Variants in NABP2 observed in about 807,000 individuals in gnomAD.
The protein encoded by NABP2 is SOSS complex subunit B1.
In NABP2, 7 loss-of-function variants were observed where a neutral mutation model predicts 22.7. The observed-to-expected ratio is 0.31, with a 90% CI of 0.18 to 0.58. The LOEUF is 0.58. Ranked by LOEUF, NABP2 falls within the 20% of genes least tolerant of loss-of-function variation. The probability of loss-of-function intolerance (pLI) is 0.89; values close to 1 mark genes in which losing one functional copy is unlikely to be tolerated. For missense variants in NABP2, 188 were observed against 265.9 expected (o/e 0.71, Z 2.04); for synonymous variants, 107 against 99.2 (o/e 1.08, Z -0.47).
At chr12:56,222,796 A>G (rs1869557872), upstream of NABP2, among the ~76,000 whole-genome samples, 1 of 152,260 alleles carries the variant, frequency 6.6e-6, no homozygotes, top group Non-Finnish European at 1.5e-5. Flanking sequence ...TAATACACAC[A>G]TACACACATA....
Position 56,224,497 on chromosome 12 carries a change from A to C in NABP2, c.-24+56A>C, listed in dbSNP as rs954316188. 5.6e-6 allele frequency: 6 copies of C among 1,069,858 alleles called. No individual in the cohort carries two copies. In the African/African-American group the frequency reaches 8.1e-5, roughly 15 times the overall value. 66.3% of individuals were successfully genotyped at this position (1,069,858 alleles called of 1,614,324 possible). A position where few individuals can be genotyped will look rare whatever the true frequency, so the allele number is the denominator to read the frequency against. On this transcript the variant is annotated intron_variant, in intron 1 of 6. Transcript: ENST00000267023. ...ATGGACCGAGTCCCGGCTTGTCGGG[A>C]TGAGGGTTCCGGAAGATCTGGCCAG...
At chr12:56,226,780 A>G (rs1423951164) in intron 6 of NABP2, among the ~76,000 whole-genome samples, 1 of 133,134 alleles carries the variant, frequency 7.5e-6, no homozygotes, top group African/African-American at 2.7e-5. Context: ...CTGGAGTGCA[A>G]TGGTGTGACC....
intron 6 of NABP2, 136 bp from the exon 7 acceptor site, chr12:56,228,878 T>G (rs1047700307): frequency 1.3e-6 from 1 of 771,296 alleles, no homozygotes; most frequent in Non-Finnish European, 2.2e-6. Context: ...GTCTTTTGCA[T>G]TTGGTCCAGT....
intron 4 of NABP2, 76 bp downstream of exon 4, chr12:56,225,771 C>A: frequency 7.3e-7 from 1 of 1,366,304 alleles, no homozygotes; most frequent in Non-Finnish European, 1.0e-6. Context: ...ATAGGGTGTG[C>A]AGTCCAAGCC....
chr12:56,224,686 C>T (rs1869676371), intron 1 of NABP2, 148 bp from the exon 2 acceptor site: 1 of 894,012 alleles, frequency 1.1e-6, no homozygotes, highest in Admixed American at 2.7e-5. Flanking sequence ...TTGGAGGCCT[C>T]CGGGGATGTT....
At position 56,226,114 on chromosome 12, in the gene NABP2, T is replaced by C. The variant is rs1869748175; in HGVS notation, c.291-65T>C. ...ACCACACCGAACCTATCTGGACTTT[T>C]CTGAGGCCTCCAGCAGTGGCCCAGA... On this transcript the variant is annotated intron_variant, in intron 4 of 6. Coordinates refer to ENST00000267023, the MANE Select transcript of NABP2 (RefSeq NM_024068.4). 3 of 1,494,192 alleles carry C rather than the reference T, an allele frequency of 2.0e-6. No homozygotes were observed. In the Admixed American group the frequency reaches 5.1e-5, roughly 25 times the overall value. The allele number at this position is 1,494,192 out of a possible 1,614,324, so 92.6% of individuals were successfully genotyped here.
intron 4 of NABP2, 70 bp downstream of exon 4, chr12:56,225,765 G>A: frequency 6.8e-7 from 1 of 1,465,176 alleles, no homozygotes; most frequent in Non-Finnish European, 9.6e-7. Flanking sequence ...GGCAGCATAG[G>A]GTGTGCAGTC....
chr12:56,229,087 T>TGGCCCACCCCC lies in NABP2; in HGVS notation c.510_511insGGCCCACCCCC (p.Pro171GlyfsTer66). ...GTGGTGGCCCACATCCCCCTCATAC[T>TGGCCCACCCCC]CCCTCCCACCCACCCAGCACCCGAA... On this transcript the variant is annotated frameshift_variant, in exon 7 of 7. Coordinates refer to ENST00000267023, the MANE Select transcript of NABP2 (RefSeq NM_024068.4). LOFTEE classifies it high-confidence loss of function. 6.6e-7 allele frequency: 1 copy of TGGCCCACCCCC among 1,512,342 alleles called. No homozygotes were observed. The highest frequency in any genetic ancestry group is 9.1e-7 in the Non-Finnish European group (1 of 1,102,014). The allele number at this position is 1,512,342 out of a possible 1,614,324, so 93.7% of individuals were successfully genotyped here.
chr12:56,224,369 C>A lies in NABP2; in HGVS notation c.-96C>A. On this transcript the variant is annotated 5_prime_UTR_variant, in exon 1 of 7. Transcript: ENST00000267023. ...ACTCCCGCGTTCCACGGGGCAGCAT[C>A]CGGCGGCAGCGGAGCCTGTGGCTCC... 2 of 990,414 alleles carry A rather than the reference C, an allele frequency of 2.0e-6. No homozygotes were observed. The highest frequency in any genetic ancestry group is 9.2e-5 in the South Asian group (2 of 21,810). The allele number at this position is 990,414 out of a possible 1,614,324, so 61.4% of individuals were successfully genotyped here.
intron 3 of NABP2, 23 bp downstream of exon 3, chr12:56,225,534 G>T: frequency 6.2e-7 from 1 of 1,614,174 alleles, no homozygotes; most frequent in South Asian, 1.1e-5. Flanking sequence ...GTGACTTCTG[G>T]CCTTCCAAAG....
At chr12:56,224,622 G>T (rs1003140091) in intron 1 of NABP2, 181 bp downstream of exon 1, 1 of 1,158,578 alleles carries the variant, frequency 8.6e-7, no homozygotes, top group Non-Finnish European at 1.1e-6. Context: ...CCGGCAGGGG[G>T]CCTTCCAGCC....
upstream of NABP2, among the ~76,000 whole-genome samples, chr12:56,223,392 T>A (rs1175140075): frequency 2.0e-5 from 3 of 151,862 alleles, no homozygotes; most frequent in Non-Finnish European, 4.4e-5. Flanking sequence ...CGAAACTGTC[T>A]CTACAAAAAA....
In NABP2 at chr12:56,229,825, C is replaced by T. The variant is rs1870040763; in HGVS notation, c.*612C>T. 6.5e-6 allele frequency: 1 copy of T among 154,448 alleles called. No individual in the cohort carries two copies. Among genetic ancestry groups the T allele is most frequent in the Non-Finnish European group, 1.4e-5 (1 of 69,466 alleles). The allele number at this position is 154,448 out of a possible 1,614,324, so 9.6% of individuals were successfully genotyped here. A position where few individuals can be genotyped will look rare whatever the true frequency, so the allele number is the denominator to read the frequency against. On this transcript the variant is annotated 3_prime_UTR_variant, in exon 7 of 7. Coordinates refer to ENST00000267023, the MANE Select transcript of NABP2 (RefSeq NM_024068.4). ...TGAGACATGGGAGTCTAACTGAAGT[C>T]TCTCCTTCCTAATAAATGTTACCAC...
Position 56,229,348 on chromosome 12 carries a change from A to T in NABP2, c.*135A>T. The T allele has an allele frequency of 2.4e-6, 2 of 849,598 alleles. No individual in the cohort carries two copies. The highest frequency in any genetic ancestry group is 3.7e-6 in the Non-Finnish European group (2 of 540,500). 52.6% of individuals were successfully genotyped at this position (849,598 alleles called of 1,614,324 possible). On this transcript the variant is annotated 3_prime_UTR_variant, in exon 7 of 7. Transcript: ENST00000267023. ...GTGGAGGGTGGTGAGCAGTGTCCTT[A>T]TCCACCCTAATCTCATACTCCCTCA...
rs1869690571 is a variant in NABP2 at position 56,224,917 on chromosome 12, T to C, written c.61T>C (p.Phe21Leu). The C allele has an allele frequency of 2.5e-6, 4 of 1,612,426 alleles. No individual in the cohort carries two copies. Among genetic ancestry groups the C allele is most frequent in the Non-Finnish European group, 3.4e-6 (4 of 1,179,066 alleles). ...KPGLKNLNLI[F>L]IVLETGRVTK... ...TGGGCTCAAGAATCTGAACCTTATCTTCATTGTGCTGGAGACAGGTGTCTA... is the reference window on the plus strand; with the variant it reads ...TGGGCTCAAGAATCTGAACCTTATCCTCATTGTGCTGGAGACAGGTGTCTA... The change falls in exon 2 of 7, where the codon TTC becomes CTC. Residue 21 changes from phenylalanine (F) to leucine (L), a missense_variant. Physicochemically the swap from Phe to Leu is conservative, Grantham distance 22 (BLOSUM62 0). Transcript: ENST00000267023.
intron 5 of NABP2, 29 bp from the exon 6 acceptor site, chr12:56,226,327 G>T: frequency 3.7e-6 from 6 of 1,614,058 alleles, no homozygotes; most frequent in Non-Finnish European, 5.1e-6. Flanking sequence ...GGAGGGAGCA[G>T]GATCTGAATA....
chr12:56,224,697 CT>C (rs1869677366), intron 1 of NABP2, 136 bp from the exon 2 acceptor site: 2 of 891,012 alleles, frequency 2.2e-6, no homozygotes, highest in Admixed American at 2.6e-5. Flanking sequence ...CGGGGATGTT[CT>C]TTTTTAATCT....
chr12:56,226,560 T>TC (rs1869776216), intron 6 of NABP2, 141 bp downstream of exon 6: 1 of 465,076 alleles, frequency 2.2e-6, no homozygotes, highest in African/African-American at 2.4e-5. Flanking sequence ...CAGACCCCTT[T>TC]TTTTTTTTTT....
In NABP2 at chr12:56,229,087, T is replaced by TGGGC; in HGVS notation, c.510_511insGGGC (p.Pro171GlyfsTer31). ...GTGGTGGCCCACATCCCCCTCATACTCCCTCCCACCCACCCAGCACCCGAA... is the reference window on the plus strand; with the variant it reads ...GTGGTGGCCCACATCCCCCTCATACTGGGCCCCTCCCACCCACCCAGCACCCGAA... On this transcript the variant is annotated frameshift_variant, in exon 7 of 7. Coordinates refer to ENST00000267023, the MANE Select transcript of NABP2 (RefSeq NM_024068.4). LOFTEE classifies it high-confidence loss of function. 1.3e-6 allele frequency: 2 copies of TGGGC among 1,512,342 alleles called. No individual in the cohort carries two copies. Among genetic ancestry groups the TGGGC allele is most frequent in the Non-Finnish European group, 9.1e-7 (1 of 1,102,010 alleles). 93.7% of individuals were successfully genotyped at this position (1,512,342 alleles called of 1,614,324 possible).
Sources: allele counts gnomAD v4.1 joint callset (sites outside exome capture counted in the v4.1 genomes callset), GRCh38; gene constraint gnomAD v4.1.1; transcripts MANE v1.5; gene names NCBI Gene and HGNC (gene_info 2026-07-23, HGNC 2026-07-21).